Variants in PUM1 observed in about 807,000 individuals in gnomAD.
The protein encoded by PUM1 is pumilio RNA binding family member 1.
Under a neutral mutation model 131.8 loss-of-function variants are expected in PUM1, and 13 were observed. The ratio of observed to expected loss-of-function variants is 0.10; its 90% CI spans 0.06 to 0.16. The LOEUF (loss-of-function observed/expected upper bound fraction) is 0.16, where lower values mean the gene tolerates loss of function less well. Among genes scored for constraint, PUM1 ranks in the 10% least tolerant of loss-of-function variants. The pLI is 1.00. For synonymous variants in PUM1, 509 were observed against 556.5 expected (o/e 0.91, Z 1.20); for missense variants, 961 against 1,512.4 (o/e 0.64, Z 6.05).
At chr1:31,026,511 T>A (rs1336473540) in intron 3 of PUM1, among the ~76,000 whole-genome samples, 1 of 152,204 alleles carries the variant, frequency 6.6e-6, no homozygotes, top group Non-Finnish European at 1.5e-5. Flanking sequence ...GTATATTCAT[T>A]GTTTCCTTAA....
intron 3 of PUM1, among the ~76,000 whole-genome samples, chr1:31,025,561 T>G (rs1643191503): frequency 7.0e-6 from 1 of 142,296 alleles, no homozygotes; most frequent in African/African-American, 2.6e-5. Context: ...TTTTTTTTTT[T>G]TTTTTTTTGA....
At chr1:31,047,096 C>T (rs1177708224) in intron 2 of PUM1, among the ~76,000 whole-genome samples, 1 of 152,088 alleles carries the variant, frequency 6.6e-6, no homozygotes, top group Non-Finnish European at 1.5e-5. Flanking sequence ...GAGGCTGTGG[C>T]AGGACTCACT....
intron 20 of PUM1, 120 bp downstream of exon 20, chr1:30,941,031 A>T: frequency 8.5e-7 from 1 of 1,174,146 alleles, no homozygotes; most frequent in Non-Finnish European, 1.2e-6. Flanking sequence ...TTTGACTTTT[A>T]AGCTATATAT....
chr1:31,054,466 G>A (rs548078677), intron 2 of PUM1, among the ~76,000 whole-genome samples: 5 of 147,960 alleles, frequency 3.4e-5, no homozygotes, highest in South Asian at 4.3e-4. Flanking sequence ...TCTTTACTTC[G>A]CTAGTTCACT....
At chr1:30,973,925 T>C (rs1219559797) in intron 10 of PUM1, among the ~76,000 whole-genome samples, 2 of 151,946 alleles carry the variant, frequency 1.3e-5, no homozygotes, top group African/African-American at 2.4e-5. Context: ...CCATTTCTAC[T>C]AAAAATACAA....
chr1:31,026,099 A>T (rs1490245901), intron 3 of PUM1, among the ~76,000 whole-genome samples: 1 of 151,884 alleles, frequency 6.6e-6, no homozygotes, highest in Non-Finnish European at 1.5e-5. Flanking sequence ...TAAAATACAA[A>T]AATAAAATTA....
chr1:30,975,981 G>A (rs1333786879), intron 9 of PUM1, among the ~76,000 whole-genome samples: 3 of 151,544 alleles, frequency 2.0e-5, no homozygotes, highest in African/African-American at 7.3e-5. Flanking sequence ...CCAGCTACTC[G>A]GAAGGCTGAG....
At chr1:31,010,268 A>G (rs1411794833) in intron 3 of PUM1, among the ~76,000 whole-genome samples, 2 of 152,206 alleles carry the variant, frequency 1.3e-5, no homozygotes, top group Non-Finnish European at 2.9e-5. Context: ...TGTGGTTAGC[A>G]GCATCTGAAA....
intron 3 of PUM1, among the ~76,000 whole-genome samples, chr1:31,017,647 G>A (rs1276799005): frequency 6.6e-6 from 1 of 151,990 alleles, no homozygotes; most frequent in Non-Finnish European, 1.5e-5. Context: ...TTTAGAGTGA[G>A]TGAGACAGTG....
At chr1:30,964,956 C>T (rs768635916) in intron 13 of PUM1, 46 bp from the exon 14 acceptor site, 20 of 1,514,374 alleles carry the variant, frequency 1.3e-5, no homozygotes, top group Middle Eastern at 1.8e-4. Flanking sequence ...GCCTGTTCTT[C>T]GAAGAACAAG....
chr1:30,983,513 T>G (rs1641432154), intron 7 of PUM1, among the ~76,000 whole-genome samples: 1 of 152,194 alleles, frequency 6.6e-6, no homozygotes, highest in Non-Finnish European at 1.5e-5. Context: ...AGACAGTATG[T>G]TCAGAACACA....
chr1:30,970,236 G>A (rs1170682641), intron 10 of PUM1, among the ~76,000 whole-genome samples: 3 of 150,956 alleles, frequency 2.0e-5, no homozygotes, highest in Non-Finnish European at 4.4e-5. Context: ...AATTATTCTT[G>A]GTACCAGTGG....
intron 3 of PUM1, among the ~76,000 whole-genome samples, chr1:31,016,185 G>A (rs1642811606): frequency 6.6e-6 from 1 of 152,258 alleles, no homozygotes; most frequent in African/African-American, 2.4e-5. Flanking sequence ...CAGATTTCAC[G>A]TTTCCAGATT....
chr1:30,969,316 C>CAAAAAAAAA (rs763999971), intron 10 of PUM1, among the ~76,000 whole-genome samples: 7 of 51,176 alleles, frequency 1.4e-4, no homozygotes, highest in East Asian at 1.0e-3. Context: ...AACACACACA[C>CAAAAAAAAA]AAAAAAAAAA....
intron 2 of PUM1, among the ~76,000 whole-genome samples, chr1:31,038,422 CT>C (rs1643689429): frequency 6.6e-6 from 1 of 152,176 alleles, no homozygotes; most frequent in Non-Finnish European, 1.5e-5. Context: ...ATGGTAGACA[CT>C]ACTTTCTACA....
chr1:31,064,550 G>T (rs2124040819), intron 1 of PUM1, among the ~76,000 whole-genome samples: 1 of 152,232 alleles, frequency 6.6e-6, no homozygotes, highest in Non-Finnish European at 1.5e-5. Flanking sequence ...TATTGTTTCA[G>T]AAGTTAACTG....
chr1:30,963,208 C>CATTA (rs1418337965), intron 14 of PUM1, among the ~76,000 whole-genome samples: 7 of 152,274 alleles, frequency 4.6e-5, no homozygotes, highest in African/African-American at 1.7e-4. Flanking sequence ...GGTCAGTGAA[C>CATTA]ATTACTTCCT....
intron 7 of PUM1, among the ~76,000 whole-genome samples, chr1:30,991,414 T>C (rs1297879798): frequency 2.6e-5 from 4 of 152,234 alleles, no homozygotes; most frequent in South Asian, 2.1e-4. Flanking sequence ...TATGTTTAAC[T>C]TTTTACTCTA....
intron 5 of PUM1, among the ~76,000 whole-genome samples, chr1:31,001,868 T>C (rs777905135): frequency 2.6e-5 from 4 of 152,206 alleles, no homozygotes; most frequent in African/African-American, 4.8e-5. Flanking sequence ...ACGCGTATGA[T>C]AGCAGTGCTT....
Sources: allele counts gnomAD v4.1 joint callset (sites outside exome capture counted in the v4.1 genomes callset), GRCh38; gene constraint gnomAD v4.1.1; transcripts MANE v1.5; gene names NCBI Gene and HGNC (gene_info 2026-07-23, HGNC 2026-07-21).